Variants in EPB41L4B observed in about 807,000 individuals in gnomAD.
The protein encoded by EPB41L4B is erythrocyte membrane protein band 4.1 like 4B.
In EPB41L4B, 30 loss-of-function variants were observed where a neutral mutation model predicts 112.5. That is an observed-to-expected ratio of 0.27 (90% CI 0.20 to 0.36). The LOEUF is 0.36. Among genes scored for constraint, EPB41L4B ranks in the 10% least tolerant of loss-of-function variants. EPB41L4B has a pLI of 1.00. For synonymous variants in EPB41L4B, 408 were observed against 439.7 expected, an observed-to-expected ratio of 0.93 and a Z score of 0.90; for missense variants, 1,024 against 1,133.3, an observed-to-expected ratio of 0.90 and a Z score of 1.38.
chr9:109,222,132 G>A (rs575341013), intron 15 of EPB41L4B, among the ~76,000 whole-genome samples: 23 of 152,284 alleles, frequency 1.5e-4, no homozygotes, highest in African/African-American at 5.3e-4. Flanking sequence ...TGCAGGGAGT[G>A]AGAAAGTGCA....
chr9:109,214,800 G>A (rs545807652), intron 16 of EPB41L4B, among the ~76,000 whole-genome samples: 3 of 152,202 alleles, frequency 2.0e-5, no homozygotes, highest in Non-Finnish European at 4.4e-5. Context: ...GCTCAGAAGC[G>A]AGGACTTTAT....
chr9:109,235,191 TTC>T (rs940285787), intron 15 of EPB41L4B, among the ~76,000 whole-genome samples: 5 of 152,332 alleles, frequency 3.3e-5, no homozygotes, highest in Non-Finnish European at 7.3e-5. Context: ...TCATTTCTAT[TTC>T]TTTTTTCTTT....
intron 2 of EPB41L4B, among the ~76,000 whole-genome samples, chr9:109,277,126 G>A (rs964852375): frequency 1.3e-5 from 2 of 152,060 alleles, no homozygotes; most frequent in African/African-American, 4.8e-5. Context: ...AATACCACAC[G>A]CTTTAAGACA....
intron 16 of EPB41L4B, among the ~76,000 whole-genome samples, chr9:109,215,618 G>A (rs1002381568): frequency 6.6e-6 from 1 of 152,144 alleles, no homozygotes; most frequent in African/African-American, 2.4e-5. Context: ...CTCCTGAGTA[G>A]CTGAGATTAT....
intron 1 of EPB41L4B, among the ~76,000 whole-genome samples, chr9:109,299,116 G>A (rs1239650287): frequency 6.6e-6 from 1 of 152,138 alleles, no homozygotes; most frequent in Admixed American, 6.5e-5. Context: ...AATGGAGGTG[G>A]GCAGTCACTA....
At chr9:109,274,043 A>G (rs548693958) in intron 2 of EPB41L4B, among the ~76,000 whole-genome samples, 5 of 152,268 alleles carry the variant, frequency 3.3e-5, no homozygotes, top group African/African-American at 9.6e-5. Context: ...AGCAGGCGCC[A>G]TATCTATGTA....
At chr9:109,210,936 T>C (rs147431358) in intron 17 of EPB41L4B, among the ~76,000 whole-genome samples, 6 of 152,350 alleles carry the variant, frequency 3.9e-5, no homozygotes, top group East Asian at 1.9e-4. Context: ...GATATTATTA[T>C]AGTTGGAAAT....
chr9:109,312,818 G>A (rs141607308), intron 1 of EPB41L4B, among the ~76,000 whole-genome samples: 152 of 152,174 alleles, frequency 1.0e-3, no homozygotes, highest in Middle Eastern at 3.4e-3. Context: ...CAAGGAACCC[G>A]GAGCCCAGGG....
At chr9:109,244,112 A>G (rs1014509892) in intron 14 of EPB41L4B, among the ~76,000 whole-genome samples, 1 of 152,190 alleles carries the variant, frequency 6.6e-6, no homozygotes, top group Non-Finnish European at 1.5e-5. Flanking sequence ...GACCATGTGG[A>G]ACAGTTACAT....
chr9:109,244,618 T>C (rs1370789635), intron 14 of EPB41L4B, among the ~76,000 whole-genome samples: 2 of 151,638 alleles, frequency 1.3e-5, no homozygotes, highest in Admixed American at 6.6e-5. Flanking sequence ...TTGAAGGAAG[T>C]TGTCCATTTT....
chr9:109,182,311 G>C (rs991394911), intron 24 of EPB41L4B, among the ~76,000 whole-genome samples: 2 of 152,162 alleles, frequency 1.3e-5, no homozygotes, highest in East Asian at 3.8e-4. Context: ...AGTCACAAAA[G>C]GTCACATATG....
chr9:109,210,142 C>T (rs149478004), intron 17 of EPB41L4B, among the ~76,000 whole-genome samples: 34 of 152,208 alleles, frequency 2.2e-4, no homozygotes, highest in Non-Finnish European at 3.8e-4. Context: ...AGCTATCAAT[C>T]GTTCCTGAGC....
At chr9:109,298,919 A>T (rs974078507) in intron 1 of EPB41L4B, among the ~76,000 whole-genome samples, 1 of 152,202 alleles carries the variant, frequency 6.6e-6, no homozygotes, top group Non-Finnish European at 1.5e-5. Context: ...CTGCAAGAGT[A>T]CCACCAGACC....
chr9:109,315,168 A>G (rs1056917518), intron 1 of EPB41L4B, among the ~76,000 whole-genome samples: 1 of 152,066 alleles, frequency 6.6e-6, no homozygotes, highest in African/African-American at 2.4e-5. Context: ...CCCCCCTACC[A>G]TTGCTACAGC....
Position 109,243,649 on chromosome 9 carries a change from G to A in EPB41L4B, c.1378C>T (p.Pro460Ser), listed in dbSNP as rs778517979. The A allele has an allele frequency of 2.5e-6, 4 of 1,614,072 alleles. No homozygotes were observed. The highest frequency in any genetic ancestry group is 4.5e-5 in the East Asian group (2 of 44,904). The stretch of plus-strand genomic sequence containing the variant: ...TTTGGAGAGTGAGGATGCCACCGGG[G>A]CTGGCTGGGATGGATATTAGGATGA... ...QYHPNIHPSQPRWHPHSPNVS... is the reference protein window; with the variant it reads ...QYHPNIHPSQSRWHPHSPNVS... The change falls in exon 15 of 26, where the codon CCC (proline) becomes TCC (serine). Residue 460 changes from proline to serine, a missense_variant. Coordinates refer to ENST00000374566, the MANE Select transcript of EPB41L4B (RefSeq NM_019114.5).
In EPB41L4B at chr9:109,258,052, A is replaced by G. The variant is rs1253863615; in HGVS notation, c.752+125T>C. 4.9e-6 allele frequency: 5 copies of G among 1,018,160 alleles called. No homozygotes were observed. The African/African-American group carries it at 8.0e-5, about 16-fold the overall frequency. The allele number at this position is 1,018,160 out of a possible 1,614,324, so 63.1% of individuals were successfully genotyped here. A position where few individuals can be genotyped will look rare whatever the true frequency, so the allele number is the denominator to read the frequency against. On this transcript the variant is annotated intron_variant, in intron 7 of 25. Transcript: ENST00000374566. ...AAAACAGGACTGACACAAGGAGAGA[A>G]GAGTTGGCGCTGCAGTTTTATGGCC...
intron 9 of EPB41L4B, 125 bp downstream of exon 9, chr9:109,256,011 A>G: frequency 8.8e-7 from 1 of 1,130,260 alleles, no homozygotes; most frequent in East Asian, 2.4e-5. Context: ...GACCCACAAC[A>G]GCAGCACCGT....
intron 1 of EPB41L4B, among the ~76,000 whole-genome samples, chr9:109,304,553 C>T (rs1400724615): frequency 6.6e-6 from 1 of 152,274 alleles, no homozygotes; most frequent in Non-Finnish European, 1.5e-5. Flanking sequence ...TCAAAGTCAA[C>T]AGCAGACACC....
intron 1 of EPB41L4B, among the ~76,000 whole-genome samples, chr9:109,309,297 C>T (rs935465926): frequency 1.3e-5 from 2 of 152,116 alleles, no homozygotes; most frequent in African/African-American, 2.4e-5. Context: ...CTATAGATCC[C>T]GTAGTTGCTC....
Sources: allele counts gnomAD v4.1 joint callset (sites outside exome capture counted in the v4.1 genomes callset), GRCh38; gene constraint gnomAD v4.1.1; transcripts MANE v1.5; gene names NCBI Gene and HGNC (gene_info 2026-07-23, HGNC 2026-07-21).